MAP3K3: variants seen among roughly 807,000 people sequenced by gnomAD.
MAP3K3 encodes the protein mitogen-activated protein kinase kinase kinase 3.
Under a neutral mutation model 80.9 loss-of-function variants are expected in MAP3K3, and 12 were observed. The ratio of observed to expected loss-of-function variants is 0.15; its 90% CI spans 0.10 to 0.24. The LOEUF (loss-of-function observed/expected upper bound fraction) is 0.24, where lower values mean the gene tolerates loss of function less well. MAP3K3 is among the 10% of genes least tolerant of loss of function. MAP3K3 has a pLI of 1.00. For synonymous variants in MAP3K3, 272 were observed against 307.1 expected (o/e 0.89, Z 1.19); for missense variants, 596 against 834.7 (o/e 0.71, Z 3.52).
At chr17:63,656,437 T>C (rs1369759078) in intron 4 of MAP3K3, among the ~76,000 whole-genome samples, 5 of 148,802 alleles carry the variant, frequency 3.4e-5, no homozygotes. Context: ...ACCCAGTCTC[T>C]ACTAAAAAAA....
chr17:63,668,978 A>G (rs2035050494), intron 6 of MAP3K3, among the ~76,000 whole-genome samples: 1 of 152,182 alleles, frequency 6.6e-6, no homozygotes, highest in South Asian at 2.1e-4. Context: ...ACTGAGCATC[A>G]AGTAGAGAGA....
At position 63,626,693 on chromosome 17, in the gene MAP3K3, A is replaced by G. The variant is rs1598055581; in HGVS notation, c.4+3930A>G. ...ATTGTAAAATGATGTTTGCCTGGGC[A>G]TGGACAGGGTGGAGGCAGTGGAAGT... On this transcript the variant is annotated intron_variant, in intron 1 of 15. Transcript: ENST00000361733. Among the ~76,000 whole-genome samples, 4 of 152,246 alleles carry G rather than the reference A, an allele frequency of 2.6e-5. No homozygotes were observed. In the East Asian group the frequency reaches 7.7e-4, roughly 29 times the overall value.
chr17:63,670,819 G>C (rs893683061), intron 6 of MAP3K3, among the ~76,000 whole-genome samples: 1 of 152,104 alleles, frequency 6.6e-6, no homozygotes, highest in Non-Finnish European at 1.5e-5. Flanking sequence ...CCAGATAGCT[G>C]GAGAGCTGGG....
Position 63,695,978 on chromosome 17 carries a change from G to C in MAP3K3, c.*2201G>C, listed in dbSNP as rs911853760. On this transcript the variant is annotated 3_prime_UTR_variant, in exon 16 of 16. Transcript: ENST00000361733. The surrounding 1 kb of genome is among the most constrained non-coding windows in gnomAD (Gnocchi z 4.1). The stretch of plus-strand genomic sequence containing the variant: ...GCTTCAGGGTGACCTGGGCCCAAAG[G>C]TTCTGAAGGGCAGTTCCTGGCAGCC... 1 of 152,586 alleles carries C rather than the reference G, an allele frequency of 6.6e-6. No homozygotes were observed. Among genetic ancestry groups the C allele is most frequent in the Non-Finnish European group, 1.5e-5 (1 of 68,038 alleles). 9.5% of individuals were successfully genotyped at this position (152,586 alleles called of 1,614,324 possible).
intron 6 of MAP3K3, 138 bp from the exon 7 acceptor site, chr17:63,681,628 C>A: frequency 1.5e-6 from 1 of 688,040 alleles, no homozygotes; most frequent in Non-Finnish European, 2.2e-6. Context: ...AGGGAGCTGG[C>A]ACATGCTGGA....
chr17:63,693,534 G>A lies in MAP3K3; in HGVS notation c.1653-15G>A, dbSNP rs775855522. 1 of 1,594,698 alleles carries A rather than the reference G, an allele frequency of 6.3e-7. No homozygotes were observed. Among genetic ancestry groups the A allele is most frequent in the South Asian group, 1.1e-5 (1 of 88,524 alleles). On this transcript the variant is annotated splice_polypyrimidine_tract_variant and intron_variant, in intron 15 of 15. Transcript: ENST00000361733. The surrounding 1 kb of genome is among the most constrained non-coding windows in gnomAD (Gnocchi z 4.2). Reference sequence around the variant, plus strand: ...AGGGCTGGCTGAGGGGTGACACGGGGTTCTCTCTTTCCAGGAGCCTGGGCT... The same window carrying A: ...AGGGCTGGCTGAGGGGTGACACGGGATTCTCTCTTTCCAGGAGCCTGGGCT...
intron 1 of MAP3K3, among the ~76,000 whole-genome samples, chr17:63,626,572 C>G (rs147124305): frequency 1.3e-5 from 2 of 152,298 alleles, no homozygotes; most frequent in East Asian, 3.9e-4. Flanking sequence ...CAGAAAAACG[C>G]CAGCATTTGA....
chr17:63,692,771 A>G lies in MAP3K3; in HGVS notation c.1652+352A>G, dbSNP rs1015288673. 8.5e-5 allele frequency among the ~76,000 whole-genome samples: 13 copies of G among 152,208 alleles called. No individual in the cohort carries two copies. Among genetic ancestry groups the G allele is most frequent in the African/African-American group, 3.1e-4 (13 of 41,458 alleles). ...ACTCAAGACAGTTTGCACTTGCTCGACATAACCTTGTGTCTATCCTCTGAA... is the reference window on the plus strand; with the variant it reads ...ACTCAAGACAGTTTGCACTTGCTCGGCATAACCTTGTGTCTATCCTCTGAA... On this transcript the variant is annotated intron_variant, in intron 15 of 15. Coordinates refer to ENST00000361733, the MANE Select transcript of MAP3K3 (RefSeq NM_002401.5). This position sits in a 1 kb window ranked among gnomAD's most constrained non-coding sequence, Gnocchi z 4.5.
At chr17:63,687,723 C>A (rs1291373166) in intron 8 of MAP3K3, among the ~76,000 whole-genome samples, 1 of 151,354 alleles carries the variant, frequency 6.6e-6, no homozygotes, top group Non-Finnish European at 1.5e-5. Flanking sequence ...GGCGCGGTGG[C>A]TCATGCCTGT....
At chr17:63,643,676 A>G (rs1396039797) in intron 2 of MAP3K3, among the ~76,000 whole-genome samples, 1 of 152,216 alleles carries the variant, frequency 6.6e-6, no homozygotes, top group Non-Finnish European at 1.5e-5. Context: ...GGCTGTAGGC[A>G]GGAACAGGTA....
At chr17:63,633,508 G>C (rs758223758) in intron 2 of MAP3K3, among the ~76,000 whole-genome samples, 1 of 152,170 alleles carries the variant, frequency 6.6e-6, no homozygotes, top group Non-Finnish European at 1.5e-5. Context: ...ATGTCACCTA[G>C]TATATTCTGA....
chr17:63,685,691 C>T, intron 8 of MAP3K3, 101 bp downstream of exon 8: 1 of 918,700 alleles, frequency 1.1e-6, no homozygotes, highest in South Asian at 1.3e-5. Context: ...GTTAAAACAT[C>T]ATGCTTCTAG....
intron 5 of MAP3K3, among the ~76,000 whole-genome samples, chr17:63,661,831 C>T (rs1338171505): frequency 8.5e-5 from 13 of 152,112 alleles, no homozygotes; most frequent in Admixed American, 5.2e-4. Flanking sequence ...GGGCCGGGCG[C>T]GGTGGCTCAC....
At chr17:63,665,650 G>T (rs1181047107) in intron 5 of MAP3K3, among the ~76,000 whole-genome samples, 1 of 152,106 alleles carries the variant, frequency 6.6e-6, no homozygotes, top group Non-Finnish European at 1.5e-5. Context: ...CCCTTCACTT[G>T]CCTGCCTCCC....
intron 5 of MAP3K3, among the ~76,000 whole-genome samples, chr17:63,661,320 T>G (rs2034886860): frequency 6.6e-6 from 1 of 152,246 alleles, no homozygotes; most frequent in Admixed American, 6.5e-5. Context: ...GTGCTGAGAT[T>G]ACAGGTGTGA....
rs1219739038 is a variant in MAP3K3, at chr17:63,691,098, C to T, written c.1213-4C>T. On this transcript the variant is annotated splice_polypyrimidine_tract_variant and splice_region_variant and intron_variant, in intron 12 of 15. Transcript: ENST00000361733. The surrounding 1 kb of genome is among the most constrained non-coding windows in gnomAD (Gnocchi z 4.8). The stretch of plus-strand genomic sequence containing the variant: ...GCTGAGGCGACCACTGACCCCTCCC[C>T]TAGGAGGTGAGTGCTCTGGAGTGCG... The T allele has an allele frequency of 1.2e-6, 2 of 1,613,722 alleles. No individual in the cohort carries two copies. The highest frequency in any genetic ancestry group is 1.7e-5 in the Admixed American group (1 of 59,992).
At chr17:63,665,199 G>A (rs2143449219) in intron 5 of MAP3K3, among the ~76,000 whole-genome samples, 1 of 152,144 alleles carries the variant, frequency 6.6e-6, no homozygotes, top group East Asian at 2.0e-4. Flanking sequence ...AGCTACTCGG[G>A]AGGCCGACCA....
Position 63,632,940 on chromosome 17 carries a change from G to A in MAP3K3, c.126+138G>A, listed in dbSNP as rs1001074953. On this transcript the variant is annotated intron_variant, in intron 2 of 15. Coordinates refer to ENST00000361733, the MANE Select transcript of MAP3K3 (RefSeq NM_002401.5). ...CTTCCTTTCACAGTCTGTTAAATGG[G>A]AAGTAATACATACCAACCAGGTATG... 10 of 1,147,928 alleles carry A rather than the reference G, an allele frequency of 8.7e-6. No individual in the cohort carries two copies. In the African/African-American group the frequency reaches 1.4e-4, roughly 16 times the overall value. 71.1% of individuals were successfully genotyped at this position (1,147,928 alleles called of 1,614,324 possible). A position where few individuals can be genotyped will look rare whatever the true frequency, so the allele number is the denominator to read the frequency against.
intron 8 of MAP3K3, 94 bp from the exon 9 acceptor site, chr17:63,688,433 T>C (rs907887340): frequency 3.1e-6 from 3 of 958,428 alleles, no homozygotes; most frequent in East Asian, 2.4e-5. Flanking sequence ...CACCTAATGC[T>C]GTGGCAGGGG....
Sources: gnomAD v4.1 joint callset for allele counts (sites outside exome capture counted in the v4.1 genomes callset) on GRCh38, gnomAD v4.1.1 for gene constraint, Gnocchi (gnomAD v3.1) non-coding constraint, MANE v1.5 for transcripts, NCBI Gene and HGNC (gene_info 2026-07-23, HGNC 2026-07-21) for gene names.